PDE4D: variants seen among roughly 807,000 people sequenced by gnomAD.
The protein encoded by PDE4D is phosphodiesterase 4D, also known as 3',5'-cyclic-AMP phosphodiesterase 4D.
PDE4D carries 24 observed loss-of-function variants against 87.4 expected under a neutral mutation model. That is an observed-to-expected ratio of 0.27 (90% CI 0.20 to 0.39). The LOEUF (loss-of-function observed/expected upper bound fraction) is 0.39, where lower values mean the gene tolerates loss of function less well. Ranked by LOEUF, PDE4D falls within the 10% of genes least tolerant of loss-of-function variation. The probability of loss-of-function intolerance (pLI) is 1.00; values close to 1 mark genes in which losing one functional copy is unlikely to be tolerated. For missense variants in PDE4D, 714 were observed against 1,041.0 expected, an observed-to-expected ratio of 0.69 and a Z score of 4.32; for synonymous variants, 384 against 383.2, an observed-to-expected ratio of 1.00 and a Z score of -0.02.
At chr5:59,070,024 G>C (rs1764502896) in intron 5 of PDE4D, among the ~76,000 whole-genome samples, 1 of 152,098 alleles carries the variant, frequency 6.6e-6, no homozygotes, top group Admixed American at 6.6e-5. Context: ...TACTAAGTCA[G>C]AAGGAATAAA....
intron 2 of PDE4D, among the ~76,000 whole-genome samples, chr5:60,061,693 C>T (rs917511444): frequency 6.6e-6 from 1 of 152,120 alleles, no homozygotes; most frequent in Non-Finnish European, 1.5e-5. Flanking sequence ...TACTGCAAGG[C>T]TACAGTAACC....
At chr5:59,885,308 T>A (rs1488541057) in intron 1 of PDE4D, among the ~76,000 whole-genome samples, 1 of 152,136 alleles carries the variant, frequency 6.6e-6, no homozygotes, top group African/African-American at 2.4e-5. Flanking sequence ...TATCCTTATA[T>A]TTAAATTAAA....
At chr5:59,930,526 A>C (rs1236900039) in intron 3 of PDE4D, among the ~76,000 whole-genome samples, 1 of 152,214 alleles carries the variant, frequency 6.6e-6, no homozygotes, top group East Asian at 1.9e-4. Context: ...AAGTCCTGCT[A>C]ACACCTTGAT....
Position 59,215,812 on chromosome 5 carries a change from C to T in PDE4D, c.612G>A (p.Lys204=). 6.2e-7 allele frequency: 1 copy of T among 1,613,662 alleles called. No homozygotes were observed. Among genetic ancestry groups the T allele is most frequent in the Non-Finnish European group, 8.5e-7 (1 of 1,179,686 alleles). ...CAATGGAGGAGTTCCGGGACATAGA[C>T]TTTGGAGAGAGGTCATAATCGCTGT... ...RSDSDYDLSP[K]SMSRNSSIAS... Residue 204 remains lysine, a synonymous_variant, in exon 2 of 15, where the codon AAG becomes AAA. Transcript: ENST00000340635.
chr5:60,350,171 A>G (rs956660155), intron 1 of PDE4D, among the ~76,000 whole-genome samples: 1 of 152,174 alleles, frequency 6.6e-6, no homozygotes, highest in Non-Finnish European at 1.5e-5. Context: ...CAACTTGGCT[A>G]CAACCCATAG....
At chr5:59,352,954 A>AT (rs1484916057) in intron 1 of PDE4D, among the ~76,000 whole-genome samples, 3 of 152,238 alleles carry the variant, frequency 2.0e-5, no homozygotes, top group African/African-American at 7.2e-5. Context: ...AGATTTGGAG[A>AT]TTTTCTGAGA....
chr5:59,427,969 C>T (rs369975856), intron 1 of PDE4D, among the ~76,000 whole-genome samples: 1 of 152,032 alleles, frequency 6.6e-6, no homozygotes, highest in Non-Finnish European at 1.5e-5. Context: ...ATTTTTAAAT[C>T]GCAAATATAG....
chr5:59,156,331 ATGTGTGTGTGTGTGTG>A (rs60467130), intron 5 of PDE4D, among the ~76,000 whole-genome samples: 9,881 of 122,808 alleles, frequency 0.08, 641 homozygotes, highest in Non-Finnish European at 0.11. Context: ...ATATATATAT[ATGTGTGTGTGTGTGTG>A]TGTGTGTGTG....
chr5:59,778,914 C>T (rs1041570191), intron 1 of PDE4D, among the ~76,000 whole-genome samples: 2 of 152,170 alleles, frequency 1.3e-5, no homozygotes, highest in Non-Finnish European at 2.9e-5. Flanking sequence ...CTTGTAATCC[C>T]AGCACTTTGG....
intron 5 of PDE4D, among the ~76,000 whole-genome samples, chr5:59,125,039 G>C (rs1775171452): frequency 6.6e-6 from 1 of 151,666 alleles, no homozygotes; most frequent in African/African-American, 2.4e-5. Context: ...GAAGAACGAA[G>C]CAAGTTCAGC....
intron 1 of PDE4D, among the ~76,000 whole-genome samples, chr5:59,608,495 G>A (rs1436473171): frequency 6.6e-6 from 1 of 152,102 alleles, no homozygotes; most frequent in Non-Finnish European, 1.5e-5. Flanking sequence ...CTTGGATATT[G>A]GACATTGAAA....
chr5:60,426,167 C>T (rs1033752616), intron 1 of PDE4D, among the ~76,000 whole-genome samples: 5 of 152,158 alleles, frequency 3.3e-5, no homozygotes, highest in Non-Finnish European at 7.3e-5. Context: ...TTTGACCCAG[C>T]CATCCCATTA....
At chr5:60,054,097 T>G (rs956448409) in intron 2 of PDE4D, among the ~76,000 whole-genome samples, 1 of 152,118 alleles carries the variant, frequency 6.6e-6, no homozygotes, top group Admixed American at 6.5e-5. Context: ...GGAGTGTAAA[T>G]TAGTTCAACC....
chr5:60,351,774 CTAAT>C (rs1759213568), intron 1 of PDE4D, among the ~76,000 whole-genome samples: 1 of 139,072 alleles, frequency 7.2e-6, no homozygotes, highest in Admixed American at 7.2e-5. Context: ...TTTCTTCCAC[CTAAT>C]TATTTTATTT....
intron 2 of PDE4D, among the ~76,000 whole-genome samples, chr5:60,182,838 C>T (rs1389721437): frequency 6.6e-6 from 1 of 151,818 alleles, no homozygotes; most frequent in African/African-American, 2.4e-5. Context: ...CGAGATCGCG[C>T]CACTGCGCTC....
chr5:58,974,912 G>A lies in PDE4D; in HGVS notation c.2182C>T (p.Gln728Ter). ...AACTGGAATTTCTCAGTTTGACCCTGCCGGCCCTCCTCTGGGTCATCAGGT... is the reference window on the plus strand; with the variant it reads ...AACTGGAATTTCTCAGTTTGACCCTACCGGCCCTCCTCTGGGTCATCAGGT... Reference protein sequence around the residue: ...PAPDDPEEGRQGQTEKFQFEL... With the variant: ...PAPDDPEEGR The change falls in exon 15 of 15, where the codon CAG (glutamine) becomes TAG (stop). Residue 728 changes from glutamine to a stop codon, truncating the protein, a stop_gained. Transcript: ENST00000340635. LOFTEE classifies it high-confidence loss of function. The A allele has an allele frequency of 6.2e-7, 1 of 1,612,822 alleles. No homozygotes were observed. The highest frequency in any genetic ancestry group is 8.5e-7 in the Non-Finnish European group (1 of 1,179,090).
Position 58,972,824 on chromosome 5 carries a change from G to A in PDE4D, c.*1840C>T, listed in dbSNP as rs1717876197. 6.6e-6 allele frequency: 1 copy of A among 152,168 alleles called. No individual in the cohort carries two copies. 9.4% of individuals were successfully genotyped at this position (152,168 alleles called of 1,614,324 possible). On this transcript the variant is annotated 3_prime_UTR_variant, in exon 15 of 15. Transcript: ENST00000340635. The stretch of plus-strand genomic sequence containing the variant: ...CTAAAACTGTAATACAGTTCCTGGT[G>A]CTGAAATCAGCCAAGAGTGATCTCT...
Position 59,233,781 on chromosome 5 carries a change from A to T in PDE4D, c.456-17813T>A, listed in dbSNP as rs188237625. Among the ~76,000 whole-genome samples, 393 of 152,272 alleles carry T rather than the reference A, an allele frequency of 2.6e-3. 8 individuals are homozygous for T. The highest frequency in any genetic ancestry group is 0.022 in the Admixed American group (340 of 15,280). ...AAAGGATTAATAGATCCTGAGGGTG[A>T]TAGAGTAGGTCATAGAAAAGAGATA... On this transcript the variant is annotated intron_variant, in intron 1 of 14. Transcript: ENST00000340635.
intron 1 of PDE4D, among the ~76,000 whole-genome samples, chr5:59,394,238 T>C (rs1027103585): frequency 1.3e-5 from 2 of 152,236 alleles, no homozygotes; most frequent in Non-Finnish European, 2.9e-5. Flanking sequence ...GAAGAAGAGA[T>C]GTGCCCCTGA....
Sources: allele counts gnomAD v4.1 joint callset (sites outside exome capture counted in the v4.1 genomes callset), GRCh38; gene constraint gnomAD v4.1.1; transcripts MANE v1.5; gene names NCBI Gene and HGNC (gene_info 2026-07-23, HGNC 2026-07-21).